CAST: variants seen among roughly 807,000 people sequenced by gnomAD.
CAST encodes MIR583 host.
CAST carries 76 observed loss-of-function variants against 119.6 expected under a neutral mutation model. The observed-to-expected ratio is 0.64, with a 90% CI of 0.53 to 0.77. The LOEUF is 0.77. Ranked by LOEUF, CAST falls within the 30% of genes least tolerant of loss-of-function variation. The pLI is 0.00. For missense variants in CAST, 953 were observed against 946.5 expected (o/e 1.01, Z -0.09); for synonymous variants, 319 against 331.6 (o/e 0.96, Z 0.41).
chr5:96,648,754 G>C (rs543530195), intron 1 of CAST, among the ~76,000 whole-genome samples: 1 of 150,464 alleles, frequency 6.6e-6, no homozygotes, highest in African/African-American at 2.5e-5. Context: ...GGTGTAATAA[G>C]ACACTCGTTC....
the CAST span, among the ~76,000 whole-genome samples, chr5:96,036,087 A>AG: frequency 5.1e-3 from 782 of 151,966 alleles, 3 homozygotes; most frequent in Middle Eastern, 0.01. Context: ...TAAAAAAAAA[A>AG]AGAGAGAGAG....
the CAST span, among the ~76,000 whole-genome samples, chr5:96,387,878 G>A: frequency 6.6e-6 from 1 of 152,210 alleles, no homozygotes; most frequent in Non-Finnish European, 1.5e-5. Context: ...GGGGCCACTA[G>A]GGACAGGGAT....
At chr5:96,237,585 C>A in the CAST span, among the ~76,000 whole-genome samples, 3 of 152,128 alleles carry the variant, frequency 2.0e-5, no homozygotes, top group African/African-American at 7.2e-5. Context: ...TGGAAATAAT[C>A]TTTGCCAAAG....
chr5:96,665,085 G>T (rs1295198202), intron 1 of CAST, among the ~76,000 whole-genome samples: 1 of 152,160 alleles, frequency 6.6e-6, no homozygotes, highest in Non-Finnish European at 1.5e-5. Context: ...ACCTCTCTTA[G>T]AATCCCATTT....
At chr5:96,461,308 A>T in the CAST span, among the ~76,000 whole-genome samples, 2 of 152,180 alleles carry the variant, frequency 1.3e-5, no homozygotes, top group South Asian at 4.1e-4. Context: ...ATTACAAATA[A>T]TGCTACTATG....
intron 1 of CAST, among the ~76,000 whole-genome samples, chr5:96,653,056 T>A (rs1207473492): frequency 6.6e-6 from 1 of 152,202 alleles, no homozygotes; most frequent in African/African-American, 2.4e-5. Context: ...ACAGCCATTA[T>A]CTCCCAAATT....
At chr5:96,571,558 C>T (rs367572835) in intron 1 of CAST, among the ~76,000 whole-genome samples, 4 of 152,130 alleles carry the variant, frequency 2.6e-5, no homozygotes, top group South Asian at 2.1e-4. Context: ...TTAACTGAAC[C>T]GACCATTGAA....
the CAST span, among the ~76,000 whole-genome samples, chr5:96,173,574 A>G: frequency 5.3e-5 from 8 of 152,354 alleles, no homozygotes; most frequent in East Asian, 1.5e-3. Context: ...ATGTTATGAC[A>G]GTATCTAAAG....
chr5:95,998,938 CATTCTG>C, the CAST span, among the ~76,000 whole-genome samples: 1 of 152,038 alleles, frequency 6.6e-6, no homozygotes, highest in East Asian at 1.9e-4. Context: ...TAATAATAAC[CATTCTG>C]ACAGGTATAA....
the CAST span, among the ~76,000 whole-genome samples, chr5:95,969,666 T>C: frequency 6.6e-6 from 1 of 152,204 alleles, no homozygotes; most frequent in South Asian, 2.1e-4. Flanking sequence ...TATTTGAGTA[T>C]GAGAGGTGAA....
chr5:96,662,391 T>A lies in CAST; in HGVS notation c.-32T>A. ...CCTCCCCGCCACTCTCCGCGGCGCA[T>A]TCCGGGAGGCAGCGGCCGCAGCGGC... On this transcript the variant is annotated 5_prime_UTR_variant, in exon 1 of 32. Coordinates refer to ENST00000675179, the MANE Select transcript of CAST (RefSeq NM_001750.7). 1 of 1,226,730 alleles carries A rather than the reference T, an allele frequency of 8.2e-7. No individual in the cohort carries two copies. 76.0% of individuals were successfully genotyped at this position (1,226,730 alleles called of 1,614,324 possible).
At chr5:96,237,464 T>C in the CAST span, among the ~76,000 whole-genome samples, 1 of 152,166 alleles carries the variant, frequency 6.6e-6, no homozygotes, top group Admixed American at 6.5e-5. Context: ...GTCTAAAAGT[T>C]GCACGTTTTT....
chr5:96,075,604 TC>T, the CAST span, among the ~76,000 whole-genome samples: 1 of 152,136 alleles, frequency 6.6e-6, no homozygotes, highest in African/African-American at 2.4e-5. Flanking sequence ...TTCTCATTCA[TC>T]CCAAACTAAA....
chr5:96,675,412 C>A, intron 1 of CAST, 127 bp from the exon 2 acceptor site: 1 of 644,818 alleles, frequency 1.6e-6, no homozygotes, highest in South Asian at 2.0e-5. Context: ...GAATTACCAG[C>A]ATTCTCAGGA....
chr5:96,547,504 G>C (rs1746039674), intron 1 of CAST, among the ~76,000 whole-genome samples: 1 of 152,196 alleles, frequency 6.6e-6, no homozygotes, highest in Non-Finnish European at 1.5e-5. Context: ...GAACAGATTG[G>C]ATGAAGTTCA....
chr5:96,662,326 T>TCCCTCCCTCCCTCCCTCTCTCCCTCCCC (rs1748635141), upstream of CAST: 3 of 259,608 alleles, frequency 1.2e-5, no homozygotes, highest in South Asian at 8.4e-5. Context: ...CTCCGCTCCC[T>TCCCTCCCTCCCTCCCTCTCTCCCTCCCC]CCCTCCCTCC....
chr5:96,562,312 AAATT>A (rs1746390207), intron 1 of CAST, among the ~76,000 whole-genome samples: 1 of 152,196 alleles, frequency 6.6e-6, no homozygotes, highest in Non-Finnish European at 1.5e-5. Flanking sequence ...ACAAACTAAT[AAATT>A]ATCAAAATCA....
At chr5:96,622,351 G>C (rs1033020637) in intron 1 of CAST, among the ~76,000 whole-genome samples, 1 of 152,104 alleles carries the variant, frequency 6.6e-6, no homozygotes, top group African/African-American at 2.4e-5. Flanking sequence ...TTAATGACGT[G>C]GTCACCACTA....
chr5:96,387,137 G>A, the CAST span, among the ~76,000 whole-genome samples: 1 of 152,184 alleles, frequency 6.6e-6, no homozygotes. Flanking sequence ...TAGTTAGAAG[G>A]TGGTAGAGCC....
Sources: allele counts gnomAD v4.1 joint callset (sites outside exome capture counted in the v4.1 genomes callset), GRCh38; gene constraint gnomAD v4.1.1; transcripts MANE v1.5; gene names NCBI Gene and HGNC (gene_info 2026-07-23, HGNC 2026-07-21).